Variants in LRRFIP1 observed in about 807,000 individuals in gnomAD.
LRRFIP1 encodes leucine-rich repeat flightless-interacting protein 1.
In LRRFIP1, 62 loss-of-function variants were observed where a neutral mutation model predicts 104.4. That is an observed-to-expected ratio of 0.59 (90% CI 0.48 to 0.73). The LOEUF (loss-of-function observed/expected upper bound fraction) is 0.73. Among genes scored for constraint, LRRFIP1 ranks in the 30% least tolerant of loss-of-function variants. The pLI is 0.00. For synonymous variants in LRRFIP1, 300 were observed against 299.0 expected, an observed-to-expected ratio of 1.00 and a Z score of -0.03; for missense variants, 796 against 824.5, an observed-to-expected ratio of 0.97 and a Z score of 0.42.
At chr2:237,638,265 A>C (rs1201541727) in intron 1 of LRRFIP1, among the ~76,000 whole-genome samples, 1 of 152,222 alleles carries the variant, frequency 6.6e-6, no homozygotes, top group Non-Finnish European at 1.5e-5. Context: ...GATTCTCATA[A>C]GGAGCGCACA....
intron 1 of LRRFIP1, among the ~76,000 whole-genome samples, chr2:237,693,112 G>A (rs1209925373): frequency 2.0e-5 from 3 of 152,266 alleles, no homozygotes; most frequent in African/African-American, 7.2e-5. Context: ...GGCTACGGCT[G>A]TAGTTTGGCA....
At chr2:237,672,425 G>C (rs2090495702) in intron 1 of LRRFIP1, among the ~76,000 whole-genome samples, 1 of 152,182 alleles carries the variant, frequency 6.6e-6, no homozygotes, top group South Asian at 2.1e-4. Context: ...ACAGTATATA[G>C]CTATCTACTG....
In LRRFIP1 at chr2:237,717,839, TCTTCC is replaced by T; in HGVS notation, c.249+33_249+37del. ...GCCTTGAATATAATTTTGTTTTTAC[TCTTCC>T]CTCCCCACTTGAATACAGTGTTGAG... On this transcript the variant is annotated intron_variant, in intron 4 of 23. Coordinates refer to ENST00000308482, the MANE Select transcript of LRRFIP1 (RefSeq NM_001137550.2). This position sits in a 1 kb window ranked among gnomAD's most constrained non-coding sequence, Gnocchi z 4.2. The T allele has an allele frequency of 6.5e-7, 1 of 1,549,416 alleles. No homozygotes were observed. Among genetic ancestry groups the T allele is most frequent in the Non-Finnish European group, 8.9e-7 (1 of 1,121,184 alleles).
chr2:237,664,959 G>T (rs2088904811), intron 1 of LRRFIP1, among the ~76,000 whole-genome samples: 1 of 152,142 alleles, frequency 6.6e-6, no homozygotes, highest in South Asian at 2.1e-4. Flanking sequence ...TCAATGTAGG[G>T]TTTTCTTTGG....
At chr2:237,627,777 CG>C in intron 1 of LRRFIP1, 37 bp downstream of exon 1, 2 of 1,181,230 alleles carry the variant, frequency 1.7e-6, no homozygotes, top group Non-Finnish European at 2.1e-6. Flanking sequence ...GGGCGCCGGG[CG>C]GGCGCGGGGG....
intron 1 of LRRFIP1, among the ~76,000 whole-genome samples, chr2:237,654,752 T>C (rs893073885): frequency 3.3e-5 from 5 of 152,176 alleles, no homozygotes; most frequent in Non-Finnish European, 5.9e-5. Flanking sequence ...GTTTTCACCA[T>C]GTTGGCCAGG....
chr2:237,713,171 C>T (rs933222110), intron 2 of LRRFIP1, among the ~76,000 whole-genome samples: 6 of 152,060 alleles, frequency 3.9e-5, no homozygotes, highest in Non-Finnish European at 8.8e-5. Flanking sequence ...GGCGAGGAGA[C>T]ACCAGTGTCG....
At chr2:237,772,487 T>C in intron 21 of LRRFIP1, 1 of 450,966 alleles carries the variant, frequency 2.2e-6, no homozygotes, top group South Asian at 3.7e-5. Context: ...TTTCGATCTG[T>C]TGATTGTATG....
chr2:237,696,939 G>A (rs541123431), intron 1 of LRRFIP1, among the ~76,000 whole-genome samples: 2 of 152,310 alleles, frequency 1.3e-5, no homozygotes, highest in African/African-American at 4.8e-5. Flanking sequence ...AATGCATACT[G>A]GGAAGTCTTC....
At chr2:237,698,113 A>G (rs1395932507) in intron 1 of LRRFIP1, among the ~76,000 whole-genome samples, 2 of 152,242 alleles carry the variant, frequency 1.3e-5, no homozygotes, top group Admixed American at 6.5e-5. Flanking sequence ...TACGTTTGCT[A>G]TTTTAGGATG....
chr2:237,732,400 T>A (rs917524771), intron 8 of LRRFIP1, among the ~76,000 whole-genome samples: 2 of 152,238 alleles, frequency 1.3e-5, no homozygotes, highest in Non-Finnish European at 2.9e-5. Flanking sequence ...CTGCCCCAAA[T>A]GGAAGCTGGG....
chr2:237,730,496 C>T (rs2094951126), intron 8 of LRRFIP1, among the ~76,000 whole-genome samples: 1 of 152,166 alleles, frequency 6.6e-6, no homozygotes, highest in Admixed American at 6.5e-5. Flanking sequence ...GGTGGGTGCT[C>T]TCCAGGCACT....
chr2:237,752,139 G>A (rs1293234360), intron 14 of LRRFIP1, among the ~76,000 whole-genome samples: 3 of 152,228 alleles, frequency 2.0e-5, no homozygotes, highest in African/African-American at 7.2e-5. Context: ...AGGCGTGGTG[G>A]CTCACGCCTG....
In LRRFIP1 at chr2:237,638,682, T is replaced by C. The variant is rs137947347; in HGVS notation, c.96+10942T>C. Among the ~76,000 whole-genome samples the C allele has an allele frequency of 2.7e-3, 414 of 152,378 alleles. 4 individuals are homozygous for C. The highest frequency in any genetic ancestry group is 9.5e-3 in the African/African-American group (393 of 41,586). On this transcript the variant is annotated intron_variant, in intron 1 of 23. Coordinates refer to ENST00000308482, the MANE Select transcript of LRRFIP1 (RefSeq NM_001137550.2). Reference sequence around the variant, plus strand: ...CGGTTAGTACAGTTGAGGATCTGCATGTCAAATTAACTTTACCACAGTGCA... The same window carrying C: ...CGGTTAGTACAGTTGAGGATCTGCACGTCAAATTAACTTTACCACAGTGCA...
At chr2:237,709,273 G>T (rs2150029984) in intron 2 of LRRFIP1, among the ~76,000 whole-genome samples, 1 of 152,304 alleles carries the variant, frequency 6.6e-6, no homozygotes, top group South Asian at 2.1e-4. Flanking sequence ...TTAACTCACA[G>T]TTATGGTGTG....
chr2:237,669,899 C>T (rs1378385038), intron 1 of LRRFIP1, among the ~76,000 whole-genome samples: 3 of 152,110 alleles, frequency 2.0e-5, no homozygotes, highest in East Asian at 3.9e-4. Flanking sequence ...CATAGAGCCT[C>T]GCACGTTGCT....
intron 1 of LRRFIP1, among the ~76,000 whole-genome samples, chr2:237,658,571 G>A (rs2087247634): frequency 6.6e-6 from 1 of 152,204 alleles, no homozygotes; most frequent in African/African-American, 2.4e-5. Context: ...ATAAAGGAAA[G>A]AGGTTTAATT....
At chr2:237,779,370 T>A in intron 23 of LRRFIP1, 52 bp from the exon 24 acceptor site, 1 of 1,594,194 alleles carries the variant, frequency 6.3e-7, no homozygotes, top group Admixed American at 1.7e-5. Flanking sequence ...AACCCTGTTA[T>A]GTTTGGAGGA....
At chr2:237,772,456 A>G in intron 21 of LRRFIP1, 1 of 479,682 alleles carries the variant, frequency 2.1e-6, no homozygotes, top group Non-Finnish European at 3.7e-6. Context: ...AACCACATTT[A>G]CTTTGCTGGA....
Sources: allele counts gnomAD v4.1 joint callset (sites outside exome capture counted in the v4.1 genomes callset), GRCh38; gene constraint gnomAD v4.1.1; non-coding constraint Gnocchi (gnomAD v3.1); transcripts MANE v1.5; gene names NCBI Gene and HGNC (gene_info 2026-07-23, HGNC 2026-07-21).